The following MDN1 variants were observed in gnomAD, a reference collection of about 807,000 sequenced individuals.
MDN1 encodes the protein midasin AAA ATPase 1, also known as midasin.
In MDN1, 266 loss-of-function variants were observed where a neutral mutation model predicts 669.2. The observed-to-expected ratio is 0.40, with a 90% CI of 0.36 to 0.44. The LOEUF is 0.44. Among genes scored for constraint, MDN1 ranks in the 20% least tolerant of loss-of-function variants. The pLI is 1.00. For synonymous variants in MDN1, 2,385 were observed against 2,457.1 expected, an observed-to-expected ratio of 0.97 and a Z score of 0.87; for missense variants, 5,940 against 6,754.0, an observed-to-expected ratio of 0.88 and a Z score of 4.22.
At chr6:89,673,111 C>G in intron 80 of MDN1, 125 bp downstream of exon 80, 1 of 820,030 alleles carries the variant, frequency 1.2e-6, no homozygotes, top group South Asian at 1.8e-5. Flanking sequence ...ACCTCCCTGC[C>G]TCAGAACCCT....
At chr6:89,684,525 G>A (rs1048521220) in intron 71 of MDN1, among the ~76,000 whole-genome samples, 15 of 151,988 alleles carry the variant, frequency 9.9e-5, no homozygotes, top group African/African-American at 3.4e-4. Flanking sequence ...ATCAAAAAGA[G>A]CGGTCCCTCC....
At chr6:89,819,111 C>T (rs940766680) in intron 1 of MDN1, among the ~76,000 whole-genome samples, 1 of 152,148 alleles carries the variant, frequency 6.6e-6, no homozygotes, top group South Asian at 2.1e-4. Context: ...TCGATGGTTC[C>T]CCAAACTAAC....
intron 1 of MDN1, among the ~76,000 whole-genome samples, chr6:89,804,331 G>A (rs982786927): frequency 1.8e-4 from 28 of 152,024 alleles, no homozygotes; most frequent in African/African-American, 3.6e-4. Flanking sequence ...ATAAAATATC[G>A]TGGAAATTTT....
chr6:89,734,691 A>AAG (rs1554188772), intron 33 of MDN1, among the ~76,000 whole-genome samples: 2,241 of 112,958 alleles, frequency 0.02, 134 homozygotes, highest in African/African-American at 0.071. Context: ...AAAAAAAAAC[A>AAG]AGAGAGAGAG....
At chr6:89,795,595 A>G (rs1819542476) in intron 2 of MDN1, among the ~76,000 whole-genome samples, 1 of 152,198 alleles carries the variant, frequency 6.6e-6, no homozygotes, top group Non-Finnish European at 1.5e-5. Flanking sequence ...TCTCAAAATA[A>G]GTAAATGAAC....
intron 35 of MDN1, among the ~76,000 whole-genome samples, chr6:89,729,677 G>GTTTTTTTTT (rs35914010): frequency 2.8e-4 from 28 of 100,764 alleles, no homozygotes; most frequent in Admixed American, 4.9e-4. Flanking sequence ...TTTTGTTTTC[G>GTTTTTTTTT]TTTTTTTTTT....
intron 63 of MDN1, among the ~76,000 whole-genome samples, chr6:89,692,218 T>C (rs996834247): frequency 2.0e-5 from 3 of 152,054 alleles, no homozygotes; most frequent in African/African-American, 7.2e-5. Flanking sequence ...ATGTAGTGTA[T>C]AATAAAGGCC....
At chr6:89,704,383 A>G (rs929574598) in intron 53 of MDN1, among the ~76,000 whole-genome samples, 3 of 152,204 alleles carry the variant, frequency 2.0e-5, no homozygotes, top group African/African-American at 7.2e-5. Context: ...CTCTGTCTCA[A>G]AAAAAATTCT....
intron 20 of MDN1, among the ~76,000 whole-genome samples, chr6:89,755,615 A>C (rs1423656605): frequency 6.6e-6 from 1 of 152,192 alleles, no homozygotes; most frequent in Non-Finnish European, 1.5e-5. Flanking sequence ...ACACACAGTA[A>C]AACATTAATA....
chr6:89,667,904 T>C (rs1168972794), intron 84 of MDN1, 110 bp downstream of exon 84: 1 of 1,372,004 alleles, frequency 7.3e-7, no homozygotes, highest in Non-Finnish European at 9.9e-7. Flanking sequence ...GCTCTGTAGA[T>C]CACAGATTAA....
Position 89,674,110 on chromosome 6 carries a change from T to C in MDN1, c.13241A>G (p.His4414Arg), listed in dbSNP as rs752587511. 1 of 1,613,748 alleles carries C rather than the reference T, an allele frequency of 6.2e-7. No individual in the cohort carries two copies. Among genetic ancestry groups the C allele is most frequent in the Non-Finnish European group, 8.5e-7 (1 of 1,179,818 alleles). ...AAGACATAGACACACTTACCAAGAA[T>C]GAAAGAGAGTCTCACAAGACTGCTG... is the stretch of plus-strand genomic sequence containing the variant. The part of the protein sequence containing the change: ...IRQQSCETLF[H>R]SWKDFEVCSS... Residue 4414 changes from histidine to arginine, a missense_variant, in exon 79 of 102, where the codon CAT becomes CGT. His to Arg is a conservative substitution (Grantham distance 29). Transcript: ENST00000369393.
chr6:89,696,168 C>T (rs1812723290), intron 60 of MDN1, among the ~76,000 whole-genome samples, 176 bp from the exon 61 acceptor site: 1 of 152,140 alleles, frequency 6.6e-6, no homozygotes, highest in African/African-American at 2.4e-5. Flanking sequence ...CTCTTGATCA[C>T]AATATGCTTA....
rs1017423837 is a variant in MDN1, at chr6:89,712,862, T to C, written c.7219-76A>G. On this transcript the variant is annotated intron_variant, in intron 47 of 101. Transcript: ENST00000369393. ...TCCCCAAAAACCAGCAAAGTAATAA[T>C]AGTCCATGCGACCACCTCACAACAA... The C allele has an allele frequency of 4.8e-5, 64 of 1,346,810 alleles. 2 individuals carry two copies. Among genetic ancestry groups the C allele is most frequent in the South Asian group, 1.8e-4 (15 of 81,608 alleles). The allele number at this position is 1,346,810 out of a possible 1,614,324, so 83.4% of individuals were successfully genotyped here. A position where few individuals can be genotyped will look rare whatever the true frequency, so the allele number is the denominator to read the frequency against.
At position 89,671,023 on chromosome 6, in the gene MDN1, A is replaced by T; in HGVS notation, c.13852T>A (p.Ser4618Thr). The T allele has an allele frequency of 6.2e-7, 1 of 1,614,174 alleles. No individual in the cohort carries two copies. Among genetic ancestry groups the T allele is most frequent in the South Asian group, 1.1e-5 (1 of 91,078 alleles). Residue 4618 changes from serine to threonine, a missense_variant, in exon 83 of 102, where the codon TCA becomes ACA. This residue lies in a region of MDN1 where 2,280 missense variants were observed against 2,576.3 expected (regional missense o/e 0.88). Coordinates refer to ENST00000369393, the MANE Select transcript of MDN1 (RefSeq NM_014611.3). ...VRLVPVLSSY[S>T]DLVLFFLTMS... ...GTCAGGAAGAAGAGGACGAGGTCTG[A>T]GTAGCTGGAGAGGACCGGCACCAGG...
In MDN1 at chr6:89,718,460, A is replaced by C; in HGVS notation, c.6489T>G (p.Gly2163=). ...TYKPKCLGEG[G]KAITMEIVNK... ...TGACAATCTCCATCGTGATAGCTTT[A>C]CCACCTTCTCCAAGACACTTAGGCT... is the stretch of plus-strand genomic sequence containing the variant. The change falls in exon 43 of 102, where the codon GGT becomes GGG. Residue 2163 remains glycine, a synonymous_variant. Transcript: ENST00000369393. 1 of 1,614,162 alleles carries C rather than the reference A, an allele frequency of 6.2e-7. No individual in the cohort carries two copies. Among genetic ancestry groups the C allele is most frequent in the African/African-American group, 1.3e-5 (1 of 75,046 alleles).
chr6:89,680,866 G>T, intron 73 of MDN1, 115 bp from the exon 74 acceptor site: 1 of 1,119,096 alleles, frequency 8.9e-7, no homozygotes, highest in Non-Finnish European at 1.2e-6. Flanking sequence ...AGCAAATAGA[G>T]AACAAATGTA....
chr6:89,692,817 A>T lies in MDN1; in HGVS notation c.10213T>A (p.Leu3405Met). ...DAVSPLQASI[L>M]QLQHGMRLVA... ...AGCCTCATGCCATGTTGTAACTGCA[A>T]TATGGATGCCTGCAGTGGGCTCACG... The change falls in exon 63 of 102, where the codon TTG (leucine) becomes ATG (methionine). Residue 3405 changes from leucine to methionine, a missense_variant. Around this residue, in one of 5 missense-constraint regions of MDN1, gnomAD observed 150 missense variants for 234.2 expected, o/e 0.64. Transcript: ENST00000369393. 6.2e-7 allele frequency: 1 copy of T among 1,614,234 alleles called. No homozygotes were observed. The highest frequency in any genetic ancestry group is 8.5e-7 in the Non-Finnish European group (1 of 1,180,044).
At chr6:89,776,007 T>C (rs1456103890) in intron 12 of MDN1, among the ~76,000 whole-genome samples, 11 of 151,994 alleles carry the variant, frequency 7.2e-5, no homozygotes, top group Non-Finnish European at 1.5e-4. Context: ...ATTTTTCTAA[T>C]AAGGGAAAAT....
In MDN1 at chr6:89,642,750, A is replaced by ATCT. The variant is rs1808245934; in HGVS notation, c.*1252_*1254dup. 6.6e-6 allele frequency: 1 copy of ATCT among 152,236 alleles called. No homozygotes were observed. The highest frequency in any genetic ancestry group is 2.4e-5 in the African/African-American group (1 of 41,464). The allele number at this position is 152,236 out of a possible 1,614,324, so 9.4% of individuals were successfully genotyped here. On this transcript the variant is annotated 3_prime_UTR_variant, in exon 102 of 102. Transcript: ENST00000369393. ...CTAGCATACCTTTTACAATCCTGTC[A>ATCT]TCTTCCATTAAGAAGAGTCACAAAT...
Sources: gnomAD v4.1 joint callset for allele counts (sites outside exome capture counted in the v4.1 genomes callset) on GRCh38, gnomAD v4.1.1 for gene constraint, gnomAD v4.1.1 regional missense constraint, MANE v1.5 for transcripts, NCBI Gene and HGNC (gene_info 2026-07-23, HGNC 2026-07-21) for gene names.